The following SYNE3 variants were observed in gnomAD, a reference collection of about 807,000 sequenced individuals.
The protein encoded by SYNE3 is nesprin-3.
SYNE3 carries 100 observed loss-of-function variants against 111.2 expected under a neutral mutation model. That is an observed-to-expected ratio of 0.90 (90% confidence interval 0.77 to 1.06). The LOEUF is 1.06. SYNE3 is among the 50% of genes least tolerant of loss of function. The pLI is 0.00. For synonymous variants in SYNE3, 547 were observed against 533.9 expected (o/e 1.02, Z -0.34); for missense variants, 1,160 against 1,240.3 (o/e 0.94, Z 0.97).
chr14:95,449,702 T>C, intron 8 of SYNE3: 1 of 983,496 alleles, frequency 1.0e-6, no homozygotes, highest in Non-Finnish European at 1.2e-6. Context: ...GTGGGGAGCG[T>C]CCGTACGGAG....
chr14:95,439,864 C>T (rs762694452), intron 12 of SYNE3, 50 bp downstream of exon 12: 3 of 1,593,456 alleles, frequency 1.9e-6, no homozygotes, highest in East Asian at 4.5e-5. Flanking sequence ...GGAACGTTGG[C>T]CTGTCAAGGC....
chr14:95,478,466 C>A (rs1474695490), intron 1 of SYNE3, among the ~76,000 whole-genome samples: 1 of 152,148 alleles, frequency 6.6e-6, no homozygotes, highest in African/African-American at 2.4e-5. Context: ...CTGGGACTAC[C>A]AGACTGCTCT....
chr14:95,441,090 G>T (rs1886389792), intron 11 of SYNE3, among the ~76,000 whole-genome samples: 1 of 152,150 alleles, frequency 6.6e-6, no homozygotes, highest in Non-Finnish European at 1.5e-5. Flanking sequence ...CCATGAACCA[G>T]TCAGACCCCA....
intron 16 of SYNE3, among the ~76,000 whole-genome samples, chr14:95,432,944 G>A (rs1408519285): frequency 1.3e-5 from 2 of 152,126 alleles, no homozygotes; most frequent in African/African-American, 2.4e-5. Flanking sequence ...GAGGGGAACC[G>A]TACAGACTGA....
At chr14:95,446,311 C>T (rs1886716231) in intron 8 of SYNE3, among the ~76,000 whole-genome samples, 1 of 152,206 alleles carries the variant, frequency 6.6e-6, no homozygotes, top group Admixed American at 6.5e-5. Context: ...TCTCCCCTCC[C>T]ACATCTGTCT....
intron 1 of SYNE3, among the ~76,000 whole-genome samples, chr14:95,484,507 A>G (rs1889438732): frequency 6.6e-6 from 1 of 152,206 alleles, no homozygotes; most frequent in Non-Finnish European, 1.5e-5. Context: ...GGCACTGGCC[A>G]TCTGCTGCAG....
chr14:95,466,393 G>A (rs930163800), intron 3 of SYNE3, among the ~76,000 whole-genome samples, 153 bp from the exon 4 acceptor site: 9 of 152,190 alleles, frequency 5.9e-5, no homozygotes, highest in Non-Finnish European at 1.2e-4. Flanking sequence ...TGGGCAGCTT[G>A]TTGACACTCC....
chr14:95,417,710 G>T lies in SYNE3; in HGVS notation c.*116C>A. ...ACGCTGACACAGCACTGATATGGAT[G>T]CAGCTCTGCAGTCTTTGCCCTGCCC... is the stretch of plus-strand genomic sequence containing the variant. On this transcript the variant is annotated 3_prime_UTR_variant, in exon 18 of 18. Transcript: ENST00000682763. 9.4e-7 allele frequency: 1 copy of T among 1,062,546 alleles called. No homozygotes were observed. Among genetic ancestry groups the T allele is most frequent in the Non-Finnish European group, 1.5e-6 (1 of 684,890 alleles). The allele number at this position is 1,062,546 out of a possible 1,614,324, so 65.8% of individuals were successfully genotyped here.
intron 1 of SYNE3, among the ~76,000 whole-genome samples, chr14:95,480,550 G>T (rs768308035): frequency 4.6e-5 from 7 of 152,014 alleles, no homozygotes; most frequent in Non-Finnish European, 8.8e-5. Flanking sequence ...GGCATGGCTG[G>T]AGACACAGCC....
intron 1 of SYNE3, among the ~76,000 whole-genome samples, chr14:95,489,131 A>G (rs1262400972): frequency 6.6e-6 from 1 of 152,104 alleles, no homozygotes; most frequent in Non-Finnish European, 1.5e-5. Context: ...CTGCCAGCCA[A>G]CTCCCTGCAG....
intron 1 of SYNE3, among the ~76,000 whole-genome samples, chr14:95,486,182 C>A (rs1021498374): frequency 6.6e-6 from 1 of 152,142 alleles, no homozygotes; most frequent in African/African-American, 2.4e-5. Context: ...TGCTCTGGGG[C>A]AAGGCTAATC....
At chr14:95,463,621 C>G (rs958429393) in intron 4 of SYNE3, among the ~76,000 whole-genome samples, 1 of 152,240 alleles carries the variant, frequency 6.6e-6, no homozygotes, top group Non-Finnish European at 1.5e-5. Flanking sequence ...TGCCATGAAG[C>G]CTGCCCATGC....
chr14:95,417,726 T>C lies in SYNE3; in HGVS notation c.*100A>G, dbSNP rs1021429638. On this transcript the variant is annotated 3_prime_UTR_variant, in exon 18 of 18. Transcript: ENST00000682763. The stretch of plus-strand genomic sequence containing the variant: ...GATATGGATGCAGCTCTGCAGTCTT[T>C]GCCCTGCCCCTGTTTCCAGTTTCCC... 8 of 1,285,978 alleles carry C rather than the reference T, an allele frequency of 6.2e-6. No individual in the cohort carries two copies. The African/African-American group carries it at 1.0e-4, about 16-fold the overall frequency. The allele number at this position is 1,285,978 out of a possible 1,614,324, so 79.7% of individuals were successfully genotyped here.
In SYNE3 at chr14:95,455,741, G is replaced by A. The variant is rs748892538; in HGVS notation, c.790-17C>T. The stretch of plus-strand genomic sequence containing the variant: ...GGCAATGTCCTGAAGAGGGTAGAGG[G>A]GTGAGGGAAAAACAGGCAGGGAAAA... On this transcript the variant is annotated splice_polypyrimidine_tract_variant and intron_variant, in intron 5 of 17. Transcript: ENST00000682763. The A allele has an allele frequency of 6.8e-6, 11 of 1,608,254 alleles. No individual in the cohort carries two copies. The highest frequency in any genetic ancestry group is 5.5e-5 in the South Asian group (5 of 90,912).
intron 1 of SYNE3, among the ~76,000 whole-genome samples, chr14:95,509,311 A>G (rs1018634715): frequency 6.6e-6 from 1 of 152,132 alleles, no homozygotes; most frequent in African/African-American, 2.4e-5. Context: ...ACGATGAGCT[A>G]GGGGCTTTAT....
At chr14:95,419,890 A>ATGGTGGTGGTG (rs1246898763) in intron 17 of SYNE3, among the ~76,000 whole-genome samples, 2 of 28,136 alleles carry the variant, frequency 7.1e-5, no homozygotes, top group Admixed American at 5.5e-4. Flanking sequence ...TGATGATGAT[A>ATGGTGGTGGTG]GTGATGGTGG....
intron 14 of SYNE3, chr14:95,438,820 C>T: frequency 1.7e-6 from 1 of 599,398 alleles, no homozygotes; most frequent in Non-Finnish European, 2.8e-6. Context: ...TGGCCTGGCT[C>T]TGCAGACTCT....
Position 95,413,256 on chromosome 14 carries a change from A to T in SYNE3, c.*4570T>A, listed in dbSNP as rs527310714. On this transcript the variant is annotated 3_prime_UTR_variant, in exon 18 of 18. Transcript: ENST00000682763. ...ACCCTCAAATTGTGGTAAAATAAAC[A>T]TAACATAAAATTTAGCATCTTAACC... is the stretch of plus-strand genomic sequence containing the variant. The T allele has an allele frequency of 6.6e-6, 1 of 151,668 alleles. No homozygotes were observed. Among genetic ancestry groups the T allele is most frequent in the African/African-American group, 2.4e-5 (1 of 41,268 alleles). 9.4% of individuals were successfully genotyped at this position (151,668 alleles called of 1,614,324 possible).
chr14:95,505,957 G>A (rs957109214), intron 1 of SYNE3, among the ~76,000 whole-genome samples: 1 of 152,176 alleles, frequency 6.6e-6, no homozygotes, highest in Non-Finnish European at 1.5e-5. Flanking sequence ...GCTTTAAAAA[G>A]CTACAGATAA....
Sources: allele counts gnomAD v4.1 joint callset (sites outside exome capture counted in the v4.1 genomes callset), GRCh38; gene constraint gnomAD v4.1.1; transcripts MANE v1.5; gene names NCBI Gene and HGNC (gene_info 2026-07-23, HGNC 2026-07-21).